The following LIPT2 variants were observed in gnomAD, a reference collection of about 807,000 sequenced individuals.
LIPT2 encodes octanoyl-[acyl-carrier-protein]:protein N-octanoyltransferase LIPT2, mitochondrial.
A neutral mutation model predicts 16.2 loss-of-function variants in LIPT2; 16 were observed. The observed-to-expected ratio is 0.99, with a 90% CI of 0.67 to 1.50. The LOEUF (loss-of-function observed/expected upper bound fraction) is 1.50, where lower values mean the gene tolerates loss of function less well. Ranked by LOEUF, LIPT2 falls within the 40% of genes most tolerant of loss-of-function variation. The pLI, the probability that LIPT2 is intolerant of heterozygous loss-of-function variation, is 0.00. For missense variants in LIPT2, 424 were observed against 347.7 expected, an observed-to-expected ratio of 1.22 and a Z score of -1.75; for synonymous variants, 199 against 169.3, an observed-to-expected ratio of 1.18 and a Z score of -1.36.
Position 74,492,211 on chromosome 11 carries a change from T to A in LIPT2, c.620A>T (p.Glu207Val), listed in dbSNP as rs141813641. 5,147 of 1,551,686 alleles carry A rather than the reference T, an allele frequency of 3.3e-3. 69 individuals are homozygous for A. The highest frequency in any genetic ancestry group is 0.025 in the South Asian group (2,125 of 84,062). Residue 207 changes from glutamate to valine, a missense_variant, in exon 2 of 2, where the codon GAA becomes GTA. Glu to Val is a moderately radical substitution (Grantham distance 121, BLOSUM62 -2). Coordinates refer to ENST00000310109, the MANE Select transcript of LIPT2 (RefSeq NM_001144869.3). ...KELQRHVTVE[E>V]VMPPFLVAFK... ...GGCCACAAGGAAAGGTGGCATTACT[T>A]CTTCCACGGTGACGTGCCTCTGGAG... is the stretch of plus-strand genomic sequence containing the variant.
Position 74,493,542 on chromosome 11 carries a change from C to T in LIPT2, c.162G>A (p.Gly54=), listed in dbSNP as rs1448295532. The T allele has an allele frequency of 2.4e-5, 34 of 1,423,316 alleles. No homozygotes were observed. Among genetic ancestry groups the T allele is most frequent in the South Asian group, 1.7e-4 (12 of 69,954 alleles). 88.2% of individuals were successfully genotyped at this position (1,423,316 alleles called of 1,614,324 possible). A position where few individuals can be genotyped will look rare whatever the true frequency, so the allele number is the denominator to read the frequency against. Residue 54 remains glycine, a synonymous_variant, in exon 1 of 2, where the codon GGG becomes GGA. Coordinates refer to ENST00000310109, the MANE Select transcript of LIPT2 (RefSeq NM_001144869.3). ...CGCGCAGCCCGGCCGTATACACGGG[C>T]CCCGCGGGCTCGCAGAGCAGGAGCG... is the stretch of plus-strand genomic sequence containing the variant. ...AGALLLCEPA[G]PVYTAGLRGG...
rs1203243287 is a variant in LIPT2, at chr11:74,493,218, C to T, written c.466+20G>A. On this transcript the variant is annotated intron_variant, in intron 1 of 1. Transcript: ENST00000310109. The stretch of plus-strand genomic sequence containing the variant: ...CTCCGACCTCGGCTCTCAGGTACCG[C>T]CCTGCTCCGCGGCGCTCACCGATCG... 15 of 1,339,752 alleles carry T rather than the reference C, an allele frequency of 1.1e-5. No individual in the cohort carries two copies. Among genetic ancestry groups the T allele is most frequent in the African/African-American group, 3.1e-5 (2 of 65,246 alleles). The allele number at this position is 1,339,752 out of a possible 1,614,324, so 83.0% of individuals were successfully genotyped here.
At chr11:74,492,855 G>T (rs1328201420) in intron 1 of LIPT2, among the ~76,000 whole-genome samples, 1 of 147,048 alleles carries the variant, frequency 6.8e-6, no homozygotes. Context: ...AGTGGGCCGA[G>T]ATTGCGCCAC....
chr11:74,493,659 C>A lies in LIPT2; in HGVS notation c.45G>T (p.Pro15=). The A allele has an allele frequency of 6.9e-7, 1 of 1,441,894 alleles. No individual in the cohort carries two copies. The highest frequency in any genetic ancestry group is 1.4e-5 in the South Asian group (1 of 72,676). 89.3% of individuals were successfully genotyped at this position (1,441,894 alleles called of 1,614,324 possible). ...CCTGCAGCCCCAGTAGCTCGGCGTA[C>A]GGCACCCGACCCAGGCGCACCAACC... ...AVRLVRLGRV[P]YAELLGLQDR... Residue 15 remains proline, a synonymous_variant, in exon 1 of 2, where the codon CCG becomes CCT. Coordinates refer to ENST00000310109, the MANE Select transcript of LIPT2 (RefSeq NM_001144869.3).
chr11:74,491,638 C>A lies in LIPT2; in HGVS notation c.*497G>T, dbSNP rs150940251. On this transcript the variant is annotated 3_prime_UTR_variant, in exon 2 of 2. Transcript: ENST00000310109. ...CCCATTTTATTCTTAGAAGGTTCTT[C>A]CCTTTTCCCTTTATTGCAGAAAGAA... The A allele has an allele frequency of 6.5e-6, 1 of 154,714 alleles. No homozygotes were observed. The highest frequency in any genetic ancestry group is 2.4e-5 in the African/African-American group (1 of 41,458). The allele number at this position is 154,714 out of a possible 1,614,324, so 9.6% of individuals were successfully genotyped here.
Position 74,491,831 on chromosome 11 carries a change from C to T in LIPT2, c.*304G>A, listed in dbSNP as rs552476791. On this transcript the variant is annotated 3_prime_UTR_variant, in exon 2 of 2. Coordinates refer to ENST00000310109, the MANE Select transcript of LIPT2 (RefSeq NM_001144869.3). ...AATGACAATCTATGACATCAACAAT[C>T]GAGAAATAACAATCTATGACATCTG... 5 of 334,252 alleles carry T rather than the reference C, an allele frequency of 1.5e-5. No homozygotes were observed. The highest frequency in any genetic ancestry group is 1.3e-4 in the South Asian group (4 of 30,554). The allele number at this position is 334,252 out of a possible 1,614,324, so 20.7% of individuals were successfully genotyped here.
chr11:74,492,383 G>A lies in LIPT2; in HGVS notation c.467-19C>T, dbSNP rs747753897. 6.6e-7 allele frequency: 1 copy of A among 1,515,974 alleles called. No homozygotes were observed. Among genetic ancestry groups the A allele is most frequent in the Non-Finnish European group, 9.0e-7 (1 of 1,114,366 alleles). 93.9% of individuals were successfully genotyped at this position (1,515,974 alleles called of 1,614,324 possible). A position where few individuals can be genotyped will look rare whatever the true frequency, so the allele number is the denominator to read the frequency against. On this transcript the variant is annotated intron_variant, in intron 1 of 1. Coordinates refer to ENST00000310109, the MANE Select transcript of LIPT2 (RefSeq NM_001144869.3). The stretch of plus-strand genomic sequence containing the variant: ...CGGACTCCTGCAAGGCAAGCCAAAG[G>A]GTCTTAGAGTAGATACCCTCCACTC...
At position 74,493,313 on chromosome 11, in the gene LIPT2, C is replaced by A; in HGVS notation, c.391G>T (p.Gly131Cys). Residue 131 changes from glycine to cysteine, a missense_variant, in exon 1 of 2, where the codon GGC becomes TGC. Physicochemically the swap from Gly to Cys is radical, Grantham distance 159. Transcript: ENST00000310109. ...ACAVRLCELQ[G>C]LQDARARPPP... ...GGCCGCGCGCGGGCGTCCTGCAGGCCCTGGAGCTCGCACAGGCGCACGGCG... is the reference window on the plus strand; with the variant it reads ...GGCCGCGCGCGGGCGTCCTGCAGGCACTGGAGCTCGCACAGGCGCACGGCG... 1 of 1,461,902 alleles carries A rather than the reference C, an allele frequency of 6.8e-7. No homozygotes were observed. Among genetic ancestry groups the A allele is most frequent in the Non-Finnish European group, 9.0e-7 (1 of 1,109,790 alleles). The allele number at this position is 1,461,902 out of a possible 1,614,324, so 90.6% of individuals were successfully genotyped here. A position where few individuals can be genotyped will look rare whatever the true frequency, so the allele number is the denominator to read the frequency against.
rs773782969 is a variant in LIPT2, at chr11:74,492,091, C to T, written c.*44G>A. 2.0e-6 allele frequency: 3 copies of T among 1,479,882 alleles called. No homozygotes were observed. Among genetic ancestry groups the T allele is most frequent in the Non-Finnish European group, 2.8e-6 (3 of 1,082,684 alleles). The allele number at this position is 1,479,882 out of a possible 1,614,324, so 91.7% of individuals were successfully genotyped here. A position where few individuals can be genotyped will look rare whatever the true frequency, so the allele number is the denominator to read the frequency against. ...TCAGTAGGTGACTCAAGTCAGACTT[C>T]ATGCTTCCCAAGGCAGGAGCATCCT... is the stretch of plus-strand genomic sequence containing the variant. On this transcript the variant is annotated 3_prime_UTR_variant, in exon 2 of 2. Transcript: ENST00000310109.
At chr11:74,492,903 CAAAAAA>C (rs147536336) in intron 1 of LIPT2, among the ~76,000 whole-genome samples, 2 of 103,508 alleles carry the variant, frequency 1.9e-5, no homozygotes, top group African/African-American at 4.0e-5. Context: ...GACTCTGTCT[CAAAAAA>C]AAAAAAAAAA....
Position 74,493,560 on chromosome 11 carries a change from C to G in LIPT2, c.144G>C (p.Leu48=). 7.0e-7 allele frequency: 1 copy of G among 1,435,114 alleles called. No individual in the cohort carries two copies. The highest frequency in any genetic ancestry group is 9.1e-7 in the Non-Finnish European group (1 of 1,099,104). 88.9% of individuals were successfully genotyped at this position (1,435,114 alleles called of 1,614,324 possible). A position where few individuals can be genotyped will look rare whatever the true frequency, so the allele number is the denominator to read the frequency against. The change falls in exon 1 of 2, where the codon CTG becomes CTC. Residue 48 remains leucine (L), a synonymous_variant. Coordinates refer to ENST00000310109, the MANE Select transcript of LIPT2 (RefSeq NM_001144869.3). ...ACACGGGCCCCGCGGGCTCGCAGAGCAGGAGCGCGCCCGCCTCAGTCCCCG... is the reference window on the plus strand; with the variant it reads ...ACACGGGCCCCGCGGGCTCGCAGAGGAGGAGCGCGCCCGCCTCAGTCCCCG... ...APSGTEAGAL[L]LCEPAGPVYT...
intron 1 of LIPT2, 167 bp downstream of exon 1, chr11:74,493,071 A>G (rs1026956955): frequency 6.9e-6 from 3 of 432,024 alleles, no homozygotes; most frequent in Non-Finnish European, 1.2e-5. Flanking sequence ...GATATCTGAA[A>G]AGGGGCTTAA....
Position 74,492,026 on chromosome 11 carries a change from C to T in LIPT2, c.*109G>A. 2.7e-6 allele frequency: 2 copies of T among 741,954 alleles called. No individual in the cohort carries two copies. Among genetic ancestry groups the T allele is most frequent in the Non-Finnish European group, 4.6e-6 (2 of 430,668 alleles). The allele number at this position is 741,954 out of a possible 1,614,324, so 46.0% of individuals were successfully genotyped here. ...AGAGCTCATGGTATGTCCTTAGTTT[C>T]ATGATCAGTGAATGACAGGCCAGGT... On this transcript the variant is annotated 3_prime_UTR_variant, in exon 2 of 2. Transcript: ENST00000310109.
chr11:74,493,239 G>C lies in LIPT2; in HGVS notation c.465C>G (p.Ile155Met). The C allele has an allele frequency of 7.4e-7, 1 of 1,345,966 alleles. No homozygotes were observed. Among genetic ancestry groups the C allele is most frequent in the Non-Finnish European group, 9.5e-7 (1 of 1,050,144 alleles). 83.4% of individuals were successfully genotyped at this position (1,345,966 alleles called of 1,614,324 possible). ...VWLDDRKICA[I>M]GVRCGRHITS... ...ACCGCCCTGCTCCGCGGCGCTCACC[G>C]ATCGCGCAGATCTTGCGATCGTCTA... is the stretch of plus-strand genomic sequence containing the variant. The change falls in exon 1 of 2, where the codon ATC becomes ATG. Residue 155 changes from isoleucine to methionine, a missense_variant and splice_region_variant. Physicochemically the swap from Ile to Met is conservative, Grantham distance 10. Transcript: ENST00000310109.
In LIPT2 at chr11:74,493,448, C is replaced by T. The variant is rs958039501; in HGVS notation, c.256G>A (p.Gly86Ser). The change falls in exon 1 of 2, where the codon GGT (glycine) becomes AGT (serine). Residue 86 changes from glycine (G) to serine (S), a missense_variant. Gly to Ser is a moderately conservative substitution (Grantham distance 56, BLOSUM62 0). Transcript: ENST00000310109. ...LGAEVRVTGR[G>S]GLATFHGPGQ... ...GGGCCGTGGAAGGTGGCCAGGCCAC[C>T]GCGGCCTGTGACGCGCACCTCGGCG... The T allele has an allele frequency of 1.3e-6, 2 of 1,495,794 alleles. No homozygotes were observed. The highest frequency in any genetic ancestry group is 2.8e-5 in the East Asian group (1 of 36,260). The allele number at this position is 1,495,794 out of a possible 1,614,324, so 92.7% of individuals were successfully genotyped here. A position where few individuals can be genotyped will look rare whatever the true frequency, so the allele number is the denominator to read the frequency against.
In LIPT2 at chr11:74,493,672, A is replaced by T. The variant is rs1864412487; in HGVS notation, c.32T>A (p.Leu11Gln). The T allele has an allele frequency of 1.4e-6, 2 of 1,414,156 alleles. No individual in the cohort carries two copies. The highest frequency in any genetic ancestry group is 3.0e-5 in the African/African-American group (2 of 66,694). 87.6% of individuals were successfully genotyped at this position (1,414,156 alleles called of 1,614,324 possible). ...TAGCTCGGCGTACGGCACCCGACCC[A>T]GGCGCACCAACCGAACGGCGGGTTG... is the stretch of plus-strand genomic sequence containing the variant. The part of the protein sequence containing the change: MRQPAVRLVR[L>Q]GRVPYAELLG... The change falls in exon 1 of 2, where the codon CTG becomes CAG. Residue 11 changes from leucine to glutamine, a missense_variant. Leu to Gln is a moderately radical substitution (Grantham distance 113). Coordinates refer to ENST00000310109, the MANE Select transcript of LIPT2 (RefSeq NM_001144869.3).
In LIPT2 at chr11:74,493,490, G is replaced by C; in HGVS notation, c.214C>G (p.Arg72Gly). The C allele has an allele frequency of 1.2e-5, 18 of 1,450,826 alleles. No homozygotes were observed. The highest frequency in any genetic ancestry group is 1.6e-5 in the Non-Finnish European group (18 of 1,107,692). The allele number at this position is 1,450,826 out of a possible 1,614,324, so 89.9% of individuals were successfully genotyped here. ...ACCTCGGCGCCCAAGGCCCGTAGCC[G>C]CGCAGTTTCCTCGGGCGTCAGGCCG... ...RGGLTPEETA[R>G]LRALGAEVRV... The change falls in exon 1 of 2, where the codon CGG becomes GGG. Residue 72 changes from arginine to glycine, a missense_variant. Physicochemically the swap from Arg to Gly is moderately radical, Grantham distance 125. Transcript: ENST00000310109.
chr11:74,493,486 A>G lies in LIPT2; in HGVS notation c.218T>C (p.Leu73Pro), dbSNP rs1864401995. The G allele has an allele frequency of 6.9e-7, 1 of 1,455,172 alleles. No individual in the cohort carries two copies. The highest frequency in any genetic ancestry group is 9.0e-7 in the Non-Finnish European group (1 of 1,109,964). 90.1% of individuals were successfully genotyped at this position (1,455,172 alleles called of 1,614,324 possible). A position where few individuals can be genotyped will look rare whatever the true frequency, so the allele number is the denominator to read the frequency against. The change falls in exon 1 of 2, where the codon CTA becomes CCA. Residue 73 changes from leucine to proline, a missense_variant. Physicochemically the swap from Leu to Pro is moderately conservative, Grantham distance 98. Coordinates refer to ENST00000310109, the MANE Select transcript of LIPT2 (RefSeq NM_001144869.3). ...GCGCACCTCGGCGCCCAAGGCCCGT[A>G]GCCGCGCAGTTTCCTCGGGCGTCAG... The part of the protein sequence containing the change: ...GGLTPEETAR[L>P]RALGAEVRVT...
Position 74,491,090 on chromosome 11 carries a change from GTC to G in LIPT2, c.*1043_*1044del, listed in dbSNP as rs1303561323. On this transcript the variant is annotated 3_prime_UTR_variant, in exon 2 of 2. Transcript: ENST00000310109. The stretch of plus-strand genomic sequence containing the variant: ...TAAAAAACATTGTGGCTTCCAGCTT[GTC>G]TCTCTTTGGCATGACTTGCTCTAGG... Among the ~76,000 whole-genome samples, 1 of 152,216 alleles carries G rather than the reference GTC, an allele frequency of 6.6e-6. No individual in the cohort carries two copies. The highest frequency in any genetic ancestry group is 1.5e-5 in the Non-Finnish European group (1 of 68,038).
Sources: gnomAD v4.1 joint callset for allele counts (sites outside exome capture counted in the v4.1 genomes callset) on GRCh38, gnomAD v4.1.1 for gene constraint, MANE v1.5 for transcripts, NCBI Gene and HGNC (gene_info 2026-07-23, HGNC 2026-07-21) for gene names.